Variants in FGF14 observed in about 807,000 individuals in gnomAD.
FGF14 encodes fibroblast growth factor homologous factor 4.
In FGF14, 5 loss-of-function variants were observed where a neutral mutation model predicts 25.5. The ratio of observed to expected loss-of-function variants is 0.20; its 90% CI spans 0.10 to 0.41. FGF14 has a LOEUF of 0.41. Among genes scored for constraint, FGF14 ranks in the 10% least tolerant of loss-of-function variants. FGF14 has a pLI of 1.00. For missense variants in FGF14, 222 were observed against 320.1 expected (o/e 0.69, Z 2.34); for synonymous variants, 138 against 118.3 (o/e 1.17, Z -1.08).
At chr13:102,345,432 A>G (rs1285595260) in intron 1 of FGF14, among the ~76,000 whole-genome samples, 3 of 152,208 alleles carry the variant, frequency 2.0e-5, no homozygotes, top group Non-Finnish European at 4.4e-5. Flanking sequence ...CCAAGGGAAA[A>G]CAAATAAAGC....
At chr13:102,322,286 G>A (rs1196553680) in intron 1 of FGF14, among the ~76,000 whole-genome samples, 1 of 152,140 alleles carries the variant, frequency 6.6e-6, no homozygotes, top group East Asian at 1.9e-4. Context: ...TTACTACTAA[G>A]ACTGAGGCTT....
intron 1 of FGF14, among the ~76,000 whole-genome samples, chr13:102,161,662 A>G (rs753389318): frequency 8.2e-4 from 21 of 25,708 alleles, no homozygotes; most frequent in South Asian, 2.0e-3. Context: ...GAAGAAGAAG[A>G]AGAAGAAGAA....
intron 3 of FGF14, among the ~76,000 whole-genome samples, chr13:101,849,131 A>G (rs527774672): frequency 4.4e-4 from 67 of 151,960 alleles, no homozygotes; most frequent in African/African-American, 1.5e-3. Flanking sequence ...ACTAGTTAGA[A>G]TTTTTCTGTC....
At chr13:102,227,712 G>C (rs769525250) in intron 1 of FGF14, among the ~76,000 whole-genome samples, 3 of 152,002 alleles carry the variant, frequency 2.0e-5, no homozygotes, top group African/African-American at 7.3e-5. Context: ...TTCTTGCCAC[G>C]TAGAATAATA....
chr13:101,716,013 G>C lies in FGF14; in HGVS notation c.*6818C>G, dbSNP rs2139625899. 4.1e-6 allele frequency: 1 copy of C among 244,784 alleles called. No homozygotes were observed. Among genetic ancestry groups the C allele is most frequent in the Non-Finnish European group, 8.1e-6 (1 of 123,186 alleles). 15.2% of individuals were successfully genotyped at this position (244,784 alleles called of 1,614,324 possible). ...GTGGGTAGAGGCCAGGGATGCTGCT[G>C]AGCATCCCGCAGTGTACAGGACAGC... On this transcript the variant is annotated 3_prime_UTR_variant, in exon 5 of 5. Coordinates refer to ENST00000376143, the MANE Select transcript of FGF14 (RefSeq NM_004115.4).
chr13:102,317,544 T>G (rs1323611821), intron 1 of FGF14, among the ~76,000 whole-genome samples: 2 of 152,224 alleles, frequency 1.3e-5, no homozygotes, highest in East Asian at 3.8e-4. Flanking sequence ...ATGAATGAAT[T>G]TTTACTCTAT....
At chr13:101,863,670 G>A (rs2044544751) in intron 3 of FGF14, among the ~76,000 whole-genome samples, 1 of 152,114 alleles carries the variant, frequency 6.6e-6, no homozygotes, top group African/African-American at 2.4e-5. Flanking sequence ...TCTTAGGGAA[G>A]ATTAGAAAGA....
At chr13:102,065,650 T>G (rs907344092) in intron 1 of FGF14, among the ~76,000 whole-genome samples, 3 of 152,100 alleles carry the variant, frequency 2.0e-5, no homozygotes, top group Non-Finnish European at 4.4e-5. Context: ...CTTTTAATAA[T>G]ACTGTCAATC....
At chr13:102,196,426 T>A (rs1317961782) in intron 1 of FGF14, among the ~76,000 whole-genome samples, 1 of 152,112 alleles carries the variant, frequency 6.6e-6, no homozygotes, top group Non-Finnish European at 1.5e-5. Context: ...GAAAAAAAAA[T>A]CCTTCCTGCT....
chr13:102,048,987 G>T (rs2042106212), intron 1 of FGF14, among the ~76,000 whole-genome samples: 1 of 151,924 alleles, frequency 6.6e-6, no homozygotes, highest in Non-Finnish European at 1.5e-5. Context: ...CTGATAATGG[G>T]AGAAAAAAGT....
intron 3 of FGF14, among the ~76,000 whole-genome samples, chr13:101,768,617 G>A (rs2038558220): frequency 6.6e-6 from 1 of 152,044 alleles, no homozygotes; most frequent in African/African-American, 2.4e-5. Flanking sequence ...TGAAGGAATA[G>A]ACAGATAGAT....
At chr13:101,907,327 C>T (rs191241789) in intron 1 of FGF14, among the ~76,000 whole-genome samples, 3 of 152,240 alleles carry the variant, frequency 2.0e-5, no homozygotes, top group Admixed American at 6.5e-5. Context: ...CGTATTAATA[C>T]TCTCAATTAG....
At chr13:102,085,218 C>T (rs60029126) in intron 1 of FGF14, among the ~76,000 whole-genome samples, 18,234 of 139,992 alleles carry the variant, frequency 0.13, 1,213 homozygotes, top group Non-Finnish European at 0.16. Flanking sequence ...TTCCTTTTTT[C>T]CCCCACCTCC....
chr13:102,308,083 C>T (rs555838420), intron 1 of FGF14, among the ~76,000 whole-genome samples: 19 of 152,254 alleles, frequency 1.2e-4, no homozygotes, highest in South Asian at 2.1e-4. Context: ...GCTGGGCTGG[C>T]ATCAACAATG....
chr13:102,008,346 C>A (rs2039910510), intron 1 of FGF14, among the ~76,000 whole-genome samples: 1 of 152,168 alleles, frequency 6.6e-6, no homozygotes, highest in Non-Finnish European at 1.5e-5. Flanking sequence ...CCAAGTCACT[C>A]CACCTTTATT....
At chr13:101,762,660 C>A (rs575925040) in intron 3 of FGF14, among the ~76,000 whole-genome samples, 21 of 152,244 alleles carry the variant, frequency 1.4e-4, no homozygotes, top group African/African-American at 4.8e-4. Flanking sequence ...TGCAAATGCT[C>A]CCTTAGTTGA....
At chr13:102,004,740 G>T (rs1434747851) in intron 1 of FGF14, among the ~76,000 whole-genome samples, 1 of 152,118 alleles carries the variant, frequency 6.6e-6, no homozygotes, top group Non-Finnish European at 1.5e-5. Flanking sequence ...GGCATCCGAT[G>T]GGAGGTAATT....
chr13:102,209,905 T>C (rs1181375346), intron 1 of FGF14, among the ~76,000 whole-genome samples: 1 of 152,076 alleles, frequency 6.6e-6, no homozygotes, highest in African/African-American at 2.4e-5. Context: ...AATTCATTTA[T>C]AAAAACAATT....
intron 3 of FGF14, among the ~76,000 whole-genome samples, chr13:101,744,725 C>A (rs9585764): frequency 0.7 from 105,588 of 151,840 alleles, 37,502 homozygotes; most frequent in Non-Finnish European, 0.77. Context: ...TCTAGAGCTG[C>A]AAAACAAAAA....
Sources: allele counts gnomAD v4.1 joint callset (sites outside exome capture counted in the v4.1 genomes callset), GRCh38; gene constraint gnomAD v4.1.1; transcripts MANE v1.5; gene names NCBI Gene and HGNC (gene_info 2026-07-23, HGNC 2026-07-21).